LRRC8D: variants seen among roughly 807,000 people sequenced by gnomAD.
The protein encoded by LRRC8D is leucine rich repeat containing 8 VRAC subunit D, also known as volume-regulated anion channel subunit LRRC8D.
Under a neutral mutation model 55.8 loss-of-function variants are expected in LRRC8D, and 20 were observed. The observed-to-expected ratio is 0.36, with a 90% CI of 0.25 to 0.52. LRRC8D has a LOEUF of 0.52. Ranked by LOEUF, LRRC8D falls within the 20% of genes least tolerant of loss-of-function variation. The pLI, the probability that LRRC8D is intolerant of heterozygous loss-of-function variation, is 0.93. For missense variants in LRRC8D, 651 were observed against 1,030.8 expected (o/e 0.63, Z 5.05); for synonymous variants, 352 against 377.0 (o/e 0.93, Z 0.77).
rs548628588 is a variant in LRRC8D, at chr1:89,898,619, C to G, written c.-2-34448C>G. On this transcript the variant is annotated intron_variant, in intron 2 of 2. Coordinates refer to ENST00000337338, the MANE Select transcript of LRRC8D (RefSeq NM_001134479.2). ...GGATCAGTGAGTGTAAAGGAGAGAT[C>G]GGTTAATTTCATAGACTGATCCAAA... Among the ~76,000 whole-genome samples the G allele has an allele frequency of 2.6e-5, 4 of 152,244 alleles. 1 individual carries two copies. The South Asian group carries it at 8.3e-4, about 32-fold the overall frequency.
intron 2 of LRRC8D, among the ~76,000 whole-genome samples, chr1:89,916,993 T>C (rs1161508489): frequency 6.6e-6 from 1 of 152,234 alleles, no homozygotes; most frequent in Non-Finnish European, 1.5e-5. Context: ...ACATTATCTG[T>C]GTTCCTATTG....
At chr1:89,834,284 G>A (rs1284783449) in intron 1 of LRRC8D, among the ~76,000 whole-genome samples, 1 of 152,198 alleles carries the variant, frequency 6.6e-6, no homozygotes. Context: ...TACTTTGTCT[G>A]CAGTGCACTC....
At position 89,934,440 on chromosome 1, in the gene LRRC8D, G is replaced by C. The variant is rs771428345; in HGVS notation, c.1372G>C (p.Glu458Gln). The change falls in exon 3 of 3, where the codon GAA becomes CAA. Residue 458 changes from glutamate to glutamine, a missense_variant. This residue lies in a region of LRRC8D where 338 missense variants were observed against 479.4 expected (regional missense o/e 0.71). Transcript: ENST00000337338. The surrounding 1 kb of genome is among the most constrained non-coding windows in gnomAD (Gnocchi z 5.9). ...EISLNHEWTFEKLRQHISRNA... is the reference protein window; with the variant it reads ...EISLNHEWTFQKLRQHISRNA... Reference sequence around the variant, plus strand: ...TAGTTTGAACCATGAGTGGACATTTGAAAAACTCAGGCAGCACATTTCACG... The same window carrying C: ...TAGTTTGAACCATGAGTGGACATTTCAAAAACTCAGGCAGCACATTTCACG... 1.9e-6 allele frequency: 3 copies of C among 1,614,128 alleles called. No individual in the cohort carries two copies. The highest frequency in any genetic ancestry group is 2.5e-6 in the Non-Finnish European group (3 of 1,180,036).
At chr1:89,871,962 C>T (rs1340371710) in intron 2 of LRRC8D, among the ~76,000 whole-genome samples, 1 of 152,166 alleles carries the variant, frequency 6.6e-6, no homozygotes, top group African/African-American at 2.4e-5. Flanking sequence ...CAGCTTTTAC[C>T]TTCATTTGGC....
chr1:89,926,737 A>G (rs1420055019), intron 2 of LRRC8D, among the ~76,000 whole-genome samples: 1 of 152,220 alleles, frequency 6.6e-6, no homozygotes, highest in Non-Finnish European at 1.5e-5. Flanking sequence ...TATTATGAAA[A>G]TAAATAGAGA....
In LRRC8D at chr1:89,862,513, T is replaced by C. The variant is rs141988019; in HGVS notation, c.-3+18731T>C. Among the ~76,000 whole-genome samples, 7 of 152,372 alleles carry C rather than the reference T, an allele frequency of 4.6e-5. No individual in the cohort carries two copies. The East Asian group carries it at 1.2e-3, about 25-fold the overall frequency. Reference sequence around the variant, plus strand: ...GGAATAATTGAAGTAGGCCAGTCTTTGGACAGTTTAGTTCTCCTGTGTTTA... The same window carrying C: ...GGAATAATTGAAGTAGGCCAGTCTTCGGACAGTTTAGTTCTCCTGTGTTTA... On this transcript the variant is annotated intron_variant, in intron 2 of 2. Coordinates refer to ENST00000337338, the MANE Select transcript of LRRC8D (RefSeq NM_001134479.2).
intron 2 of LRRC8D, among the ~76,000 whole-genome samples, chr1:89,926,689 CA>C (rs991205230): frequency 1.3e-5 from 2 of 152,164 alleles, no homozygotes; most frequent in African/African-American, 4.8e-5. Context: ...CAGGTTTCCT[CA>C]TACTGTTGGG....
intron 2 of LRRC8D, among the ~76,000 whole-genome samples, chr1:89,899,017 T>C (rs536840131): frequency 6.6e-6 from 1 of 152,318 alleles, no homozygotes; most frequent in South Asian, 2.1e-4. Flanking sequence ...GTTGGGCTTT[T>C]CATCTTAAAT....
Position 89,855,544 on chromosome 1 carries a change from A to G in LRRC8D, c.-3+11762A>G, listed in dbSNP as rs535687975. Among the ~76,000 whole-genome samples the G allele has an allele frequency of 1.6e-4, 24 of 152,280 alleles. No individual in the cohort carries two copies. The South Asian group carries it at 4.4e-3, about 28-fold the overall frequency. On this transcript the variant is annotated intron_variant, in intron 2 of 2. Transcript: ENST00000337338. Reference sequence around the variant, plus strand: ...CCTGGGAATTTCCTTTTCCCCCATTAAGCTATTACACAACTTAATGCTTGG... The same window carrying G: ...CCTGGGAATTTCCTTTTCCCCCATTGAGCTATTACACAACTTAATGCTTGG...
chr1:89,917,976 A>AT (rs1441262853), intron 2 of LRRC8D, among the ~76,000 whole-genome samples: 1 of 152,200 alleles, frequency 6.6e-6, no homozygotes, highest in Non-Finnish European at 1.5e-5. Context: ...GAGAGAGGAA[A>AT]TATGTCTGAA....
At chr1:89,842,056 C>CA (rs1482240648) in intron 1 of LRRC8D, among the ~76,000 whole-genome samples, 3 of 151,584 alleles carry the variant, frequency 2.0e-5, no homozygotes, top group South Asian at 2.1e-4. Context: ...ACTAAAAATA[C>CA]AAAAAAATTA....
At chr1:89,886,968 A>T (rs1662434968) in intron 2 of LRRC8D, among the ~76,000 whole-genome samples, 1 of 152,194 alleles carries the variant, frequency 6.6e-6, no homozygotes, top group African/African-American at 2.4e-5. Context: ...TTTTAAAAAG[A>T]CATTTTTAAA....
Position 89,835,324 on chromosome 1 carries a change from C to A in LRRC8D, c.-147-8314C>A, listed in dbSNP as rs114792172. Among the ~76,000 whole-genome samples the A allele has an allele frequency of 7.2e-3, 1,095 of 152,278 alleles. 7 individuals are homozygous for A. Among genetic ancestry groups the A allele is most frequent in the African/African-American group, 0.025 (1,045 of 41,568 alleles). ...GTCCCTGTATGGATGATTTTTTAAA[C>A]CATGGGAGGGGGCCAGTCATCAAAC... On this transcript the variant is annotated intron_variant, in intron 1 of 2. Coordinates refer to ENST00000337338, the MANE Select transcript of LRRC8D (RefSeq NM_001134479.2).
At chr1:89,847,669 A>C (rs765220586) in intron 2 of LRRC8D, among the ~76,000 whole-genome samples, 3 of 152,200 alleles carry the variant, frequency 2.0e-5, no homozygotes, top group Non-Finnish European at 4.4e-5. Flanking sequence ...TAAAGTAAAA[A>C]ATGCCTTCTT....
In LRRC8D at chr1:89,911,022, A is replaced by G. The variant is rs1450075371; in HGVS notation, c.-2-22045A>G. Among the ~76,000 whole-genome samples, 1 of 152,108 alleles carries G rather than the reference A, an allele frequency of 6.6e-6. No homozygotes were observed. Among genetic ancestry groups the G allele is most frequent in the Non-Finnish European group, 1.5e-5 (1 of 68,004 alleles). ...GACACTCTCCTTAGAAATGCTAAAT[A>G]TTTCTTTTCCCACCTTCTTTTCAGT... On this transcript the variant is annotated intron_variant, in intron 2 of 2. Transcript: ENST00000337338. This position sits in a 1 kb window ranked among gnomAD's most constrained non-coding sequence, Gnocchi z 4.0.
intron 2 of LRRC8D, among the ~76,000 whole-genome samples, chr1:89,854,555 G>C (rs1661503701): frequency 6.6e-6 from 1 of 152,214 alleles, no homozygotes; most frequent in Non-Finnish European, 1.5e-5. Context: ...TCTAGTCCTA[G>C]TTCTTCCATT....
In LRRC8D at chr1:89,867,053, G is replaced by A. The variant is rs552262964; in HGVS notation, c.-3+23271G>A. Among the ~76,000 whole-genome samples, 3 of 152,214 alleles carry A rather than the reference G, an allele frequency of 2.0e-5. No homozygotes were observed. In the South Asian group the frequency reaches 6.2e-4, roughly 32 times the overall value. ...ATACCATACAATTGGCCCACTTAGA[G>A]TGTATAATCCAACAGTGTTTGTAGT... On this transcript the variant is annotated intron_variant, in intron 2 of 2. Transcript: ENST00000337338.
In LRRC8D at chr1:89,882,680, G is replaced by A. The variant is rs180995351; in HGVS notation, c.-3+38898G>A. Among the ~76,000 whole-genome samples the A allele has an allele frequency of 1.4e-4, 21 of 152,286 alleles. No individual in the cohort carries two copies. In the East Asian group the frequency reaches 3.3e-3, roughly 24 times the overall value. On this transcript the variant is annotated intron_variant, in intron 2 of 2. Transcript: ENST00000337338. ...TTTGTATTCCCAGCAGAGTTCTGGC[G>A]CCAAAGTGCTAATAAATGTTGATTG...
chr1:89,826,875 G>T (rs964706598), intron 1 of LRRC8D, among the ~76,000 whole-genome samples: 1 of 152,180 alleles, frequency 6.6e-6, no homozygotes, highest in Non-Finnish European at 1.5e-5. Flanking sequence ...GTCATCAGAC[G>T]ATTTGCAGGT....
Sources: gnomAD v4.1 joint callset for allele counts (sites outside exome capture counted in the v4.1 genomes callset) on GRCh38, gnomAD v4.1.1 for gene constraint, gnomAD v4.1.1 regional missense constraint, Gnocchi (gnomAD v3.1) non-coding constraint, MANE v1.5 for transcripts, NCBI Gene and HGNC (gene_info 2026-07-23, HGNC 2026-07-21) for gene names.